Variants in BIN1 observed in about 807,000 individuals in gnomAD.
The protein encoded by BIN1 is bridging integrator 1.
In BIN1, 53 loss-of-function variants were observed where a neutral mutation model predicts 82.0. The observed-to-expected ratio is 0.65, with a 90% CI of 0.52 to 0.81. The LOEUF is 0.81. BIN1 is among the 40% of genes least tolerant of loss of function. The pLI, the probability that BIN1 is intolerant of heterozygous loss-of-function variation, is 0.00. For synonymous variants in BIN1, 302 were observed against 328.0 expected (o/e 0.92, Z 0.86); for missense variants, 642 against 784.4 (o/e 0.82, Z 2.17).
At chr2:127,048,676 C>T in intron 18 of BIN1, 43 bp from the exon 19 acceptor site, 1 of 1,583,330 alleles carries the variant, frequency 6.3e-7, no homozygotes, top group Non-Finnish European at 8.7e-7. Context: ...GAGCAAGGGG[C>T]TCCACCCCAC....
rs1282156307 is a variant in BIN1 at position 127,070,809 on chromosome 2, C to T, written c.173G>A (p.Gly58Asp). The T allele has an allele frequency of 6.8e-6, 11 of 1,612,090 alleles. No homozygotes were observed. The highest frequency in any genetic ancestry group is 9.3e-6 in the Non-Finnish European group (11 of 1,179,888). ...CCGGAGATCCTTCTGCAGCCGGGTG[C>T]CCTCCGTCTGCAAAGAGAAGGACAA... ...VQNFNKQLTEGTRLQKDLRTY... is the reference protein window; with the variant it reads ...VQNFNKQLTEDTRLQKDLRTY... Residue 58 changes from glycine (G) to aspartate (D), a missense_variant, in exon 3 of 19, where the codon GGC becomes GAC. Transcript: ENST00000316724.
In BIN1 at chr2:127,057,346, G is replaced by T; in HGVS notation, c.1131+127C>A. On this transcript the variant is annotated intron_variant, in intron 12 of 18. Coordinates refer to ENST00000316724, the MANE Select transcript of BIN1 (RefSeq NM_139343.3). The surrounding 1 kb of genome is among the most constrained non-coding windows in gnomAD (Gnocchi z 5.0). Reference sequence around the variant, plus strand: ...TGGATGGAGGGAACAAAGGGTGAGAGAGGGAAACTGACACTCTCTCTGGCC... The same window carrying T: ...TGGATGGAGGGAACAAAGGGTGAGATAGGGAAACTGACACTCTCTCTGGCC... 1 of 1,271,408 alleles carries T rather than the reference G, an allele frequency of 7.9e-7. No individual in the cohort carries two copies. Among genetic ancestry groups the T allele is most frequent in the Non-Finnish European group, 1.0e-6 (1 of 959,428 alleles). The allele number at this position is 1,271,408 out of a possible 1,614,324, so 78.8% of individuals were successfully genotyped here. A position where few individuals can be genotyped will look rare whatever the true frequency, so the allele number is the denominator to read the frequency against.
rs549983891 is a variant in BIN1, at chr2:127,062,060, G to A, written c.857+55C>T. ...GGCACCAACAGGGTCACAGGAAGGA[G>A]CCCTGCCCCTGCCGTGCACACAGTC... is the stretch of plus-strand genomic sequence containing the variant. On this transcript the variant is annotated intron_variant, in intron 10 of 18. Transcript: ENST00000316724. 57 of 1,545,136 alleles carry A rather than the reference G, an allele frequency of 3.7e-5. No homozygotes were observed. The South Asian group carries it at 6.1e-4, about 17-fold the overall frequency.
In BIN1 at chr2:127,092,007, G is replaced by A. The variant is rs190946808; in HGVS notation, c.84+14853C>T. 8.5e-4 allele frequency among the ~76,000 whole-genome samples: 130 copies of A among 152,128 alleles called. 1 individual carries two copies. The East Asian group carries it at 0.015, about 17-fold the overall frequency. ...GTGGCTACCCCTGCCCTACCCCATG[G>A]CCCCTACCTTTGGCCCTGCCCCTAG... On this transcript the variant is annotated intron_variant, in intron 1 of 18. Transcript: ENST00000316724.
intron 1 of BIN1, among the ~76,000 whole-genome samples, chr2:127,103,307 G>A (rs1680591248): frequency 6.6e-6 from 1 of 152,204 alleles, no homozygotes; most frequent in South Asian, 2.1e-4. Flanking sequence ...GCTACTGCGT[G>A]AGGAGACCTT....
rs967425533 is a variant in BIN1, at chr2:127,082,792, G to A, written c.85-6086C>T. ...CCTCCCCATCCCCACTCCGACAGTG[G>A]AGCCACCTAAGCCTGCTCCCCACCT... On this transcript the variant is annotated intron_variant, in intron 1 of 18. Transcript: ENST00000316724. This position sits in a 1 kb window ranked among gnomAD's most constrained non-coding sequence, Gnocchi z 6.1. Among the ~76,000 whole-genome samples the A allele has an allele frequency of 2.6e-5, 4 of 151,352 alleles. No individual in the cohort carries two copies. The highest frequency in any genetic ancestry group is 2.6e-4 in the Admixed American group (4 of 15,186).
At position 127,059,077 on chromosome 2, in the gene BIN1, G is replaced by C; in HGVS notation, c.936C>G (p.Val312=). 5.0e-6 allele frequency: 8 copies of C among 1,589,880 alleles called. No homozygotes were observed. The highest frequency in any genetic ancestry group is 6.8e-6 in the Non-Finnish European group (8 of 1,168,990). ...GSPAATPEIR[V]NHEPEPAGGA... Reference sequence around the variant, plus strand: ...CGCCGGCCGGCTCTGGCTCGTGGTTGACTCTGATCTCGGGGGTGGCGGCAG... The same window carrying C: ...CGCCGGCCGGCTCTGGCTCGTGGTTCACTCTGATCTCGGGGGTGGCGGCAG... The change falls in exon 11 of 19, where the codon GTC becomes GTG. Residue 312 remains valine (V), a synonymous_variant. Coordinates refer to ENST00000316724, the MANE Select transcript of BIN1 (RefSeq NM_139343.3). This position sits in a 1 kb window ranked among gnomAD's most constrained non-coding sequence, Gnocchi z 6.7.
At chr2:127,049,854 G>A (rs1319310819) in intron 18 of BIN1, among the ~76,000 whole-genome samples, 3 of 152,350 alleles carry the variant, frequency 2.0e-5, no homozygotes, top group Admixed American at 6.5e-5. Context: ...TTAACATGAA[G>A]CCACAGCAGG....
intron 1 of BIN1, among the ~76,000 whole-genome samples, chr2:127,103,870 C>T (rs11682186): frequency 0.18 from 26,915 of 152,270 alleles, 2,773 homozygotes; most frequent in Non-Finnish European, 0.23. Flanking sequence ...GATGACCTCA[C>T]GGCGCCCACA....
rs1255334897 is a variant in BIN1, at chr2:127,070,747, C to T, written c.220+15G>A. On this transcript the variant is annotated intron_variant, in intron 3 of 18. Transcript: ENST00000316724. ...CAGCTCTACACGGGCCAGGTGCGCT[C>T]TGCCTGCCTCCTACCTTTGACGGAG... The T allele has an allele frequency of 1.9e-6, 3 of 1,614,030 alleles. No homozygotes were observed. Among genetic ancestry groups the T allele is most frequent in the Non-Finnish European group, 2.5e-6 (3 of 1,180,018 alleles).
chr2:127,071,326 T>C (rs917279331), intron 2 of BIN1, among the ~76,000 whole-genome samples: 9 of 152,064 alleles, frequency 5.9e-5, no homozygotes, highest in African/African-American at 2.2e-4. Flanking sequence ...GAGGGCCCGG[T>C]GCGAGCCTGT....
At chr2:127,106,815 G>T in intron 1 of BIN1, 45 bp downstream of exon 1, 1 of 1,560,678 alleles carries the variant, frequency 6.4e-7, no homozygotes. Context: ...CCGGGGCTCC[G>T]CGGCGGCTGG....
rs1389764447 is a variant in BIN1 at position 127,063,650 on chromosome 2, C to T, written c.699-4G>A. 1 of 1,613,176 alleles carries T rather than the reference C, an allele frequency of 6.2e-7. No homozygotes were observed. Among genetic ancestry groups the T allele is most frequent in the Non-Finnish European group, 8.5e-7 (1 of 1,179,670 alleles). On this transcript the variant is annotated splice_region_variant and splice_polypyrimidine_tract_variant and intron_variant, in intron 8 of 18. Coordinates refer to ENST00000316724, the MANE Select transcript of BIN1 (RefSeq NM_139343.3). The stretch of plus-strand genomic sequence containing the variant: ...GTTGACGTAGAAACCTACGCGGCTA[C>T]AGAAGGGCGGAAGGATGGGGGCCAG...
chr2:127,058,919 G>A, intron 11 of BIN1, 92 bp downstream of exon 11: 1 of 1,518,924 alleles, frequency 6.6e-7, no homozygotes, highest in Non-Finnish European at 8.9e-7. Flanking sequence ...AGGCCAGAAA[G>A]GGGACAGAGG....
chr2:127,101,734 G>A (rs1680374595), intron 1 of BIN1, among the ~76,000 whole-genome samples: 1 of 152,194 alleles, frequency 6.6e-6, no homozygotes, highest in Non-Finnish European at 1.5e-5. Flanking sequence ...TTTATGGTGG[G>A]AGTAGTCAAG....
intron 1 of BIN1, among the ~76,000 whole-genome samples, chr2:127,091,344 C>A (rs1198672781): frequency 1.3e-5 from 2 of 152,212 alleles, no homozygotes; most frequent in African/African-American, 4.8e-5. Flanking sequence ...GCCTGTCCAG[C>A]ATGCCCTGCC....
At position 127,050,585 on chromosome 2, in the gene BIN1, G is replaced by A. The variant is rs7558000; in HGVS notation, c.1573-63C>T. 313,336 of 1,573,834 alleles carry A rather than the reference G, an allele frequency of 0.2. 33,004 individuals are homozygous for A. The highest frequency in any genetic ancestry group is 0.38 in the African/African-American group (27,755 of 73,888). ...CCACCTCCAGCCCTGCACAGAGCAC[G>A]GGCCTTGCGTGTGGGAGGTGCAGGT... On this transcript the variant is annotated intron_variant, in intron 17 of 18. Coordinates refer to ENST00000316724, the MANE Select transcript of BIN1 (RefSeq NM_139343.3).
In BIN1 at chr2:127,081,621, G is replaced by A. The variant is rs145363049; in HGVS notation, c.85-4915C>T. On this transcript the variant is annotated intron_variant, in intron 1 of 18. Coordinates refer to ENST00000316724, the MANE Select transcript of BIN1 (RefSeq NM_139343.3). ...CTAAGGAAGGAGGGGTGAGGGCCGC[G>A]TTCCCAGTCACTCTGGTCCTGGCCA... 1.1e-3 allele frequency among the ~76,000 whole-genome samples: 168 copies of A among 152,266 alleles called. 3 individuals are homozygous for A. In the East Asian group the frequency reaches 0.027, roughly 24 times the overall value.
At chr2:127,069,934 C>G in intron 5 of BIN1, 61 bp downstream of exon 5, 2 of 1,558,632 alleles carry the variant, frequency 1.3e-6, no homozygotes, top group Non-Finnish European at 1.8e-6. Flanking sequence ...GTCCTAGGCC[C>G]TGTCCTCTCT....
Sources: gnomAD v4.1 joint callset for allele counts (sites outside exome capture counted in the v4.1 genomes callset) on GRCh38, gnomAD v4.1.1 for gene constraint, Gnocchi (gnomAD v3.1) non-coding constraint, MANE v1.5 for transcripts, NCBI Gene and HGNC (gene_info 2026-07-23, HGNC 2026-07-21) for gene names.